Variants in GRM1 observed in about 807,000 individuals in gnomAD.
GRM1 encodes the protein metabotropic glutamate receptor 1.
In GRM1, 33 loss-of-function variants were observed where a neutral mutation model predicts 90.9. The observed-to-expected ratio is 0.36, with a 90% CI of 0.28 to 0.49. GRM1 has a LOEUF of 0.49. Ranked by LOEUF, GRM1 falls within the 20% of genes least tolerant of loss-of-function variation. The pLI is 0.99. For missense variants in GRM1, 1,190 were observed against 1,534.3 expected (o/e 0.78, Z 3.75); for synonymous variants, 700 against 613.2 (o/e 1.14, Z -2.09).
intron 1 of GRM1, among the ~76,000 whole-genome samples, chr6:146,138,299 A>G (rs1239581950): frequency 6.6e-6 from 1 of 152,056 alleles, no homozygotes. Flanking sequence ...TGTCAGTTGC[A>G]TATCGTTTTT....
intron 3 of GRM1, among the ~76,000 whole-genome samples, chr6:146,317,787 A>G (rs995050056): frequency 2.0e-5 from 3 of 152,200 alleles, no homozygotes; most frequent in Admixed American, 6.6e-5. Flanking sequence ...ACTAAAAGTT[A>G]TATGTGTCAC....
intron 3 of GRM1, among the ~76,000 whole-genome samples, chr6:146,324,215 A>C (rs1300487183): frequency 6.6e-6 from 1 of 152,100 alleles, no homozygotes; most frequent in Non-Finnish European, 1.5e-5. Context: ...CACCTACTGA[A>C]GCCCCAGTAA....
chr6:146,049,223 T>G, intron 1 of GRM1, among the ~76,000 whole-genome samples: 1 of 152,024 alleles, frequency 6.6e-6, no homozygotes, highest in East Asian at 1.9e-4. Context: ...TCAGCTTGAC[T>G]TGATTAAGGG....
intron 1 of GRM1, among the ~76,000 whole-genome samples, chr6:146,047,029 G>A (rs1396118069): frequency 6.6e-6 from 1 of 151,996 alleles, no homozygotes; most frequent in Non-Finnish European, 1.5e-5. Flanking sequence ...GTAAATCAGG[G>A]ATCTGAGTAA....
At chr6:146,188,085 G>A (rs769223874) in intron 2 of GRM1, among the ~76,000 whole-genome samples, 7 of 151,878 alleles carry the variant, frequency 4.6e-5, no homozygotes, top group African/African-American at 7.3e-5. Context: ...TTCAAAAAAG[G>A]ATTAATTTTT....
Position 146,107,307 on chromosome 6 carries a change from A to AAT in GRM1, c.701-52040_701-52039dup, listed in dbSNP as rs1196176784. On this transcript the variant is annotated intron_variant, in intron 1 of 7. Transcript: ENST00000282753. ...AAAATAAATAGAAACATCCAGGTGT[A>AAT]ATGTAGTAGTATGCTCAATTAAATA... Among the ~76,000 whole-genome samples the AAT allele has an allele frequency of 3.3e-4, 51 of 152,328 alleles. 1 individual carries two copies. The highest frequency in any genetic ancestry group is 1.9e-4 in the East Asian group (1 of 5,188).
At chr6:146,293,550 G>T (rs1331568018) in intron 2 of GRM1, among the ~76,000 whole-genome samples, 1 of 151,832 alleles carries the variant, frequency 6.6e-6, no homozygotes, top group Non-Finnish European at 1.5e-5. Context: ...AGTGATATTG[G>T]CATATATTTT....
chr6:146,132,972 A>G (rs1162701756), intron 1 of GRM1, among the ~76,000 whole-genome samples: 1 of 152,238 alleles, frequency 6.6e-6, no homozygotes, highest in Non-Finnish European at 1.5e-5. Context: ...ATAGGATGTA[A>G]TAGTTGTCTT....
chr6:146,310,173 T>G (rs1783724808), intron 3 of GRM1, among the ~76,000 whole-genome samples: 2 of 152,240 alleles, frequency 1.3e-5, no homozygotes, highest in Non-Finnish European at 2.9e-5. Flanking sequence ...TTTAAGACTT[T>G]GAAGCAAGGG....
intron 3 of GRM1, among the ~76,000 whole-genome samples, chr6:146,318,698 A>G (rs568882338): frequency 6.6e-6 from 1 of 152,290 alleles, no homozygotes; most frequent in East Asian, 1.9e-4. Context: ...TCACCATTCT[A>G]AATGGCAAGA....
At chr6:146,321,602 A>G (rs1157691028) in intron 3 of GRM1, among the ~76,000 whole-genome samples, 1 of 151,242 alleles carries the variant, frequency 6.6e-6, no homozygotes, top group African/African-American at 2.4e-5. Flanking sequence ...GTGGGAGTCT[A>G]AGTCTCTTTG....
At chr6:146,407,741 T>G (rs1777400295) in intron 7 of GRM1, among the ~76,000 whole-genome samples, 1 of 152,166 alleles carries the variant, frequency 6.6e-6, no homozygotes, top group Non-Finnish European at 1.5e-5. Flanking sequence ...GTTTTCTGGA[T>G]AAAAATCACT....
chr6:146,350,283 A>G (rs1785355427), intron 3 of GRM1, among the ~76,000 whole-genome samples: 1 of 152,212 alleles, frequency 6.6e-6, no homozygotes, highest in Non-Finnish European at 1.5e-5. Flanking sequence ...CAGTGTCCAT[A>G]AGGCTTGTGT....
At chr6:146,381,010 T>C (rs1427613426) in intron 5 of GRM1, among the ~76,000 whole-genome samples, 2 of 152,136 alleles carry the variant, frequency 1.3e-5, no homozygotes, top group African/African-American at 2.4e-5. Context: ...GACAATGTCC[T>C]CCCAACTCTT....
intron 1 of GRM1, among the ~76,000 whole-genome samples, chr6:146,113,976 C>G (rs1212903808): frequency 6.6e-6 from 1 of 152,104 alleles, no homozygotes; most frequent in African/African-American, 2.4e-5. Context: ...GAGCCATGTA[C>G]TCCTCCCAAA....
intron 2 of GRM1, among the ~76,000 whole-genome samples, chr6:146,303,981 G>A (rs373151154): frequency 6.6e-6 from 1 of 152,286 alleles, no homozygotes; most frequent in African/African-American, 2.4e-5. Context: ...CTCCCATTTA[G>A]TGAGAAGGAG....
At chr6:146,063,270 C>T (rs145910819) in intron 1 of GRM1, among the ~76,000 whole-genome samples, 35 of 152,226 alleles carry the variant, frequency 2.3e-4, no homozygotes, top group Non-Finnish European at 3.8e-4. Flanking sequence ...TTCAAGTTAA[C>T]GGGAAAATTT....
intron 1 of GRM1, among the ~76,000 whole-genome samples, chr6:146,116,977 C>T (rs1775774219): frequency 6.6e-6 from 1 of 151,716 alleles, no homozygotes; most frequent in Non-Finnish European, 1.5e-5. Context: ...CTTGCATTTT[C>T]TTTTTATTTC....
At chr6:146,043,731 C>CT (rs967869730) in intron 1 of GRM1, among the ~76,000 whole-genome samples, 2 of 144,094 alleles carry the variant, frequency 1.4e-5, no homozygotes, top group Non-Finnish European at 3.0e-5. Context: ...TTAATTTATA[C>CT]TTTTTTATAA....
Sources: gnomAD v4.1 joint callset for allele counts (sites outside exome capture counted in the v4.1 genomes callset) on GRCh38, gnomAD v4.1.1 for gene constraint, MANE v1.5 for transcripts, NCBI Gene and HGNC (gene_info 2026-07-23, HGNC 2026-07-21) for gene names.